CFAP70: variants seen among roughly 807,000 people sequenced by gnomAD.
CFAP70 encodes the protein cilia and flagella associated protein 70.
Under a neutral mutation model 137.6 loss-of-function variants are expected in CFAP70, and 81 were observed. The observed-to-expected ratio is 0.59, with a 90% CI of 0.49 to 0.71. CFAP70 has a LOEUF of 0.71. CFAP70 is among the 30% of genes least tolerant of loss of function. The probability of loss-of-function intolerance (pLI) is 0.00; values close to 1 mark genes in which losing one functional copy is unlikely to be tolerated. For synonymous variants in CFAP70, 382 were observed against 423.6 expected (o/e 0.90, Z 1.20); for missense variants, 976 against 1,226.7 (o/e 0.80, Z 3.05).
At chr10:73,314,283 T>C (rs561130291) in intron 9 of CFAP70, among the ~76,000 whole-genome samples, 29 of 152,346 alleles carry the variant, frequency 1.9e-4, no homozygotes, top group African/African-American at 6.3e-4. Context: ...AACTTTAATA[T>C]TGTACAATTT....
intron 1 of CFAP70, among the ~76,000 whole-genome samples, chr10:73,355,190 G>A (rs1239384122): frequency 6.6e-6 from 1 of 152,178 alleles, no homozygotes; most frequent in Admixed American, 6.5e-5. Context: ...TGTACAGCAG[G>A]AGGTAAGCAG....
chr10:73,310,080 C>A (rs1250536519), intron 12 of CFAP70, 78 bp downstream of exon 13: 2 of 870,042 alleles, frequency 2.3e-6, no homozygotes, highest in African/African-American at 3.5e-5. Context: ...AGGGAAATTA[C>A]AATCGTGGGG....
At position 73,284,684 on chromosome 10, in the gene CFAP70, T is replaced by C. The variant is rs1434316405; in HGVS notation, c.2240-6347A>G. On this transcript the variant is annotated intron_variant, in intron 19 of 26. Transcript: ENST00000310715. ...TGTAATTGTGGTTTTTTTTTAATGGTTGCTGTTAAGACAGAGCTGCAAACT... is the reference window on the plus strand; with the variant it reads ...TGTAATTGTGGTTTTTTTTTAATGGCTGCTGTTAAGACAGAGCTGCAAACT... 1.7e-4 allele frequency among the ~76,000 whole-genome samples: 22 copies of C among 131,636 alleles called. No homozygotes were observed. In the Admixed American group the frequency reaches 1.7e-3, roughly 10 times the overall value. 86.4% of individuals were successfully genotyped at this position (131,636 alleles called of 152,430 possible).
chr10:73,347,737 G>A (rs1337832714), intron 4 of CFAP70, among the ~76,000 whole-genome samples: 1 of 152,172 alleles, frequency 6.6e-6, no homozygotes, highest in Non-Finnish European at 1.5e-5. Context: ...CTCCAGAAAG[G>A]GGTCTGGGCT....
chr10:73,326,699 G>C (rs1032686619), intron 8 of CFAP70, among the ~76,000 whole-genome samples: 8 of 151,894 alleles, frequency 5.3e-5, no homozygotes, highest in Non-Finnish European at 8.8e-5. Flanking sequence ...TCAGAGAATA[G>C]GATGAACACC....
At position 73,275,754 on chromosome 10, in the gene CFAP70, T is replaced by C. The variant is rs2046678526; in HGVS notation, c.2521-156A>G. On this transcript the variant is annotated intron_variant, in intron 21 of 26. Transcript: ENST00000310715. This position sits in a 1 kb window ranked among gnomAD's most constrained non-coding sequence, Gnocchi z 4.0. The stretch of plus-strand genomic sequence containing the variant: ...AAAGGTAAAGGGTGAATTACAAACA[T>C]TCTGCACTTCATAGTTCCATTACCA... The C allele has an allele frequency of 9.6e-6, 6 of 627,376 alleles. No individual in the cohort carries two copies. In the East Asian group the frequency reaches 2.0e-4, roughly 21 times the overall value. The allele number at this position is 627,376 out of a possible 1,614,324, so 38.9% of individuals were successfully genotyped here.
rs772815778 is a variant in CFAP70 at position 73,271,468 on chromosome 10, C to T, written c.2925+1460G>A. ...CAGAGGTTGCAGTGAGCCAAGATGG[C>T]GCCACTGCACTCCAGCTTGGGTGAC... On this transcript the variant is annotated intron_variant, in intron 24 of 26. Coordinates refer to ENST00000310715, the Ensembl canonical transcript of CFAP70. Among the ~76,000 whole-genome samples, 12 of 151,616 alleles carry T rather than the reference C, an allele frequency of 7.9e-5. No individual in the cohort carries two copies. The South Asian group carries it at 8.4e-4, about 11-fold the overall frequency.
At position 73,258,503 on chromosome 10, in the gene CFAP70, ATTGT is replaced by A. The variant is rs567897661; in HGVS notation, c.3028-2091_3028-2088del. 8.0e-4 allele frequency among the ~76,000 whole-genome samples: 122 copies of A among 152,338 alleles called. 1 individual carries two copies. The highest frequency in any genetic ancestry group is 1.9e-3 in the South Asian group (9 of 4,828). On this transcript the variant is annotated intron_variant, in intron 25 of 26. Coordinates refer to ENST00000310715, the Ensembl canonical transcript of CFAP70. ...TGTGATGATTACGTTATCTGCACAA[ATTGT>A]TTGTAGAGCACGTGTGTTTGAACAA...
intron 9 of CFAP70, 41 bp downstream of exon 10, chr10:73,322,921 AG>A: frequency 6.5e-7 from 1 of 1,537,600 alleles, no homozygotes; most frequent in East Asian, 2.3e-5. Flanking sequence ...AGATATATAA[AG>A]GATAAATTAC....
chr10:73,323,982 T>G (rs2051129161), intron 8 of CFAP70, among the ~76,000 whole-genome samples: 1 of 152,228 alleles, frequency 6.6e-6, no homozygotes, highest in African/African-American at 2.4e-5. Flanking sequence ...AAGAGAGCAG[T>G]GGTTCTCCCA....
At chr10:73,331,857 C>T (rs2052135130) in intron 7 of CFAP70, among the ~76,000 whole-genome samples, 1 of 152,122 alleles carries the variant, frequency 6.6e-6, no homozygotes, top group Non-Finnish European at 1.5e-5. Flanking sequence ...ACAAATTCTA[C>T]TTCTAGTGAT....
chr10:73,272,585 A>G (rs1379786832), intron 24 of CFAP70, among the ~76,000 whole-genome samples: 1 of 152,180 alleles, frequency 6.6e-6, no homozygotes, highest in East Asian at 1.9e-4. Flanking sequence ...GTAAGTGTCA[A>G]TCAATTTCTT....
chr10:73,304,303 C>G (rs948471715), intron 12 of CFAP70, among the ~76,000 whole-genome samples: 5 of 152,312 alleles, frequency 3.3e-5, no homozygotes, highest in Admixed American at 3.3e-4. Flanking sequence ...ATTCACCTGC[C>G]TCGGCCTCTC....
exon 8 of CFAP70, chr10:73,331,189 G>A: frequency 6.2e-7 from 1 of 1,609,992 alleles, no homozygotes; most frequent in Non-Finnish European, 8.5e-7. Context: ...TTTCAGTTTT[G>A]CCAGCTTTCC....
At position 73,351,067 on chromosome 10, in the gene CFAP70, GTGTGTATATATA is replaced by G. The variant is rs1228089307; in HGVS notation, c.250+2477_250+2488del. Among the ~76,000 whole-genome samples the G allele has an allele frequency of 4.5e-3, 290 of 64,038 alleles. 1 individual carries two copies. The highest frequency in any genetic ancestry group is 0.042 in the East Asian group (98 of 2,340). 42.0% of individuals were successfully genotyped at this position (64,038 alleles called of 152,430 possible). On this transcript the variant is annotated intron_variant, in intron 3 of 26. Transcript: ENST00000310715. ...TATATGTGTGTGTGTGTGTGTGTGT[GTGTGTATATATA>G]TATATATATATATATATATATATAT...
chr10:73,326,353 T>C (rs538330332), intron 8 of CFAP70, among the ~76,000 whole-genome samples: 2 of 145,950 alleles, frequency 1.4e-5, no homozygotes, highest in East Asian at 4.1e-4. Context: ...AGAGGGAAAT[T>C]TATAGCACTA....
chr10:73,316,632 T>C (rs1291638203), intron 9 of CFAP70, among the ~76,000 whole-genome samples: 3 of 151,418 alleles, frequency 2.0e-5, no homozygotes, highest in Non-Finnish European at 4.4e-5. Context: ...ACAATATACA[T>C]CCTAACTAAT....
intron 25 of CFAP70, among the ~76,000 whole-genome samples, chr10:73,260,471 T>C (rs1304629030): frequency 6.6e-6 from 1 of 152,110 alleles, no homozygotes; most frequent in African/African-American, 2.4e-5. Flanking sequence ...GTTTCTCATT[T>C]TGCAGGTGCT....
At chr10:73,313,658 CAT>C in intron 9 of CFAP70, among the ~76,000 whole-genome samples, 1 of 151,692 alleles carries the variant, frequency 6.6e-6, no homozygotes, top group Admixed American at 6.6e-5. Flanking sequence ...GCCTACCCAA[CAT>C]GGTGAAACCC....
Sources: gnomAD v4.1 joint callset for allele counts (sites outside exome capture counted in the v4.1 genomes callset) on GRCh38, gnomAD v4.1.1 for gene constraint, Gnocchi (gnomAD v3.1) non-coding constraint, MANE v1.5 for transcripts, NCBI Gene and HGNC (gene_info 2026-07-23, HGNC 2026-07-21) for gene names.